The following THOC7 variants were observed in gnomAD, a reference collection of about 807,000 sequenced individuals.
The protein encoded by THOC7 is NIF3L1-binding protein 1.
A neutral mutation model predicts 33.1 loss-of-function variants in THOC7; 22 were observed. The observed-to-expected ratio is 0.66, with a 90% CI of 0.47 to 0.95. THOC7 has a LOEUF of 0.95. THOC7 is among the 40% of genes least tolerant of loss of function. The probability of loss-of-function intolerance (pLI) is 0.00; values close to 1 mark genes in which losing one functional copy is unlikely to be tolerated. For missense variants in THOC7, 184 were observed against 245.3 expected (o/e 0.75, Z 1.67); for synonymous variants, 77 against 76.8 (o/e 1.00, Z -0.01).
intron 2 of THOC7, among the ~76,000 whole-genome samples, chr3:63,839,191 C>CA (rs944666019): frequency 8.0e-5 from 12 of 150,214 alleles, no homozygotes; most frequent in South Asian, 2.1e-4. Context: ...CTCTGTCTCA[C>CA]AAAAAAAAAG....
chr3:63,841,391 AG>A (rs1701757459), intron 1 of THOC7, among the ~76,000 whole-genome samples: 1 of 152,212 alleles, frequency 6.6e-6, no homozygotes, highest in South Asian at 2.1e-4. Context: ...TGTTTTTTAT[AG>A]TACGCAGTAA....
intron 1 of THOC7, 136 bp downstream of exon 1, chr3:63,863,636 C>T: frequency 8.3e-7 from 1 of 1,206,954 alleles, no homozygotes; most frequent in Non-Finnish European, 1.0e-6. Flanking sequence ...GGGGAGAGGT[C>T]GGGAAGGCCG....
chr3:63,851,197 C>T (rs1002548798), intron 1 of THOC7, among the ~76,000 whole-genome samples: 3 of 152,128 alleles, frequency 2.0e-5, no homozygotes, highest in Non-Finnish European at 2.9e-5. Context: ...TGTCAAGCAT[C>T]AAATGGTATG....
Position 63,834,387 on chromosome 3 carries a change from T to A in THOC7, c.548-188A>T, listed in dbSNP as rs566264608. On this transcript the variant is annotated intron_variant, in intron 7 of 7. Coordinates refer to ENST00000295899, the MANE Select transcript of THOC7 (RefSeq NM_025075.4). ...AAAAAAAAAAAATCCAGGCAGGGTCTGGTGGCTCATGCCTATAATCCCAGC... is the reference window on the plus strand; with the variant it reads ...AAAAAAAAAAAATCCAGGCAGGGTCAGGTGGCTCATGCCTATAATCCCAGC... Among the ~76,000 whole-genome samples the A allele has an allele frequency of 4.0e-5, 6 of 151,390 alleles. No homozygotes were observed. The South Asian group carries it at 1.3e-3, about 32-fold the overall frequency.
upstream of THOC7, chr3:63,863,901 G>C (rs1485931201): frequency 4.0e-5 from 44 of 1,104,686 alleles, no homozygotes; most frequent in South Asian, 7.0e-4. Context: ...TGGAGGAGGA[G>C]GCGGCGGCGC....
chr3:63,851,301 T>C (rs1702017016), intron 1 of THOC7, among the ~76,000 whole-genome samples: 1 of 152,232 alleles, frequency 6.6e-6, no homozygotes, highest in Non-Finnish European at 1.5e-5. Flanking sequence ...AAACTCAGAA[T>C]GATGGCAACT....
At chr3:63,844,685 C>G (rs1365362941) in intron 1 of THOC7, among the ~76,000 whole-genome samples, 1 of 152,052 alleles carries the variant, frequency 6.6e-6, no homozygotes, top group African/African-American at 2.4e-5. Flanking sequence ...GAGTTCAGCT[C>G]CATTTCTTTT....
intron 1 of THOC7, among the ~76,000 whole-genome samples, chr3:63,854,430 T>A (rs1455404890): frequency 6.6e-6 from 1 of 152,232 alleles, no homozygotes; most frequent in Non-Finnish European, 1.5e-5. Flanking sequence ...GCAGTTTGAA[T>A]GCTTATATTA....
chr3:63,843,221 C>A (rs778800368), intron 1 of THOC7, among the ~76,000 whole-genome samples: 1 of 152,092 alleles, frequency 6.6e-6, no homozygotes, highest in African/African-American at 2.4e-5. Flanking sequence ...TGGGTTCAAG[C>A]GATTCTCTTG....
At chr3:63,842,502 G>A (rs1264223483) in intron 1 of THOC7, among the ~76,000 whole-genome samples, 1 of 152,160 alleles carries the variant, frequency 6.6e-6, no homozygotes, top group Admixed American at 6.5e-5. Context: ...TATACACCAT[G>A]GAATACTACT....
At chr3:63,851,847 C>T (rs1446742473) in intron 1 of THOC7, among the ~76,000 whole-genome samples, 1 of 152,114 alleles carries the variant, frequency 6.6e-6, no homozygotes, top group Non-Finnish European at 1.5e-5. Context: ...ATGTCTGGCC[C>T]AATTCTAGAA....
At chr3:63,850,588 T>C (rs960862782) in intron 1 of THOC7, among the ~76,000 whole-genome samples, 1 of 140,612 alleles carries the variant, frequency 7.1e-6, no homozygotes, top group East Asian at 2.0e-4. Context: ...TTCTTTCCTT[T>C]TTTTTTTTTT....
intron 1 of THOC7, chr3:63,860,644 G>C (rs185010684): frequency 1.3e-5 from 2 of 152,190 alleles, no homozygotes; most frequent in East Asian, 1.9e-4. Flanking sequence ...TTACAGCTTG[G>C]TTAATTAATG....
In THOC7 at chr3:63,836,371, A is replaced by C. The variant is rs1259514135; in HGVS notation, c.353-13T>G. On this transcript the variant is annotated splice_polypyrimidine_tract_variant and intron_variant, in intron 4 of 7. Coordinates refer to ENST00000295899, the MANE Select transcript of THOC7 (RefSeq NM_025075.4). ...AAAGCATCATATTCTGTAAGACATA[A>C]AAATATTTATCAAACTAAGGATTTT... 2.5e-6 allele frequency: 4 copies of C among 1,611,128 alleles called. No homozygotes were observed. Among genetic ancestry groups the C allele is most frequent in the Non-Finnish European group, 3.4e-6 (4 of 1,178,366 alleles).
chr3:63,860,333 G>A (rs986677650), intron 1 of THOC7, among the ~76,000 whole-genome samples: 1 of 152,142 alleles, frequency 6.6e-6, no homozygotes, highest in Non-Finnish European at 1.5e-5. Context: ...ACAGGTGTGA[G>A]CTACCACACC....
At chr3:63,856,343 G>C (rs1175579334) in intron 1 of THOC7, among the ~76,000 whole-genome samples, 1 of 151,950 alleles carries the variant, frequency 6.6e-6, no homozygotes, top group Admixed American at 6.6e-5. Context: ...TAGCACAATA[G>C]GATGATTATA....
chr3:63,847,819 A>AC (rs1301329306), intron 1 of THOC7, among the ~76,000 whole-genome samples: 2 of 152,244 alleles, frequency 1.3e-5, no homozygotes, highest in Non-Finnish European at 2.9e-5. Flanking sequence ...TAATGAAGAA[A>AC]CTGTAAACCA....
rs183206660 is a variant in THOC7 at position 63,846,490 on chromosome 3, C to A, written c.20-6717G>T. Among the ~76,000 whole-genome samples, 275 of 152,220 alleles carry A rather than the reference C, an allele frequency of 1.8e-3. 1 individual carries two copies. The highest frequency in any genetic ancestry group is 6.2e-3 in the African/African-American group (259 of 41,528). On this transcript the variant is annotated intron_variant, in intron 1 of 7. Transcript: ENST00000295899. ...GGGCGCAATCTTGGCTCACCACAAC[C>A]TTCGTCTCCTGGGTTCAAGCTATTC...
intron 1 of THOC7, among the ~76,000 whole-genome samples, chr3:63,862,483 A>G (rs1702244538): frequency 6.6e-6 from 1 of 152,212 alleles, no homozygotes; most frequent in Non-Finnish European, 1.5e-5. Context: ...CTTGCTTGTT[A>G]GTTCTGGGTT....
Sources: gnomAD v4.1 joint callset for allele counts (sites outside exome capture counted in the v4.1 genomes callset) on GRCh38, gnomAD v4.1.1 for gene constraint, MANE v1.5 for transcripts, NCBI Gene and HGNC (gene_info 2026-07-23, HGNC 2026-07-21) for gene names.